WWOX: variants seen among roughly 807,000 people sequenced by gnomAD.
WWOX encodes WW domain-containing oxidoreductase.
A neutral mutation model predicts 46.2 loss-of-function variants in WWOX; 69 were observed. The observed-to-expected ratio is 1.49, with a 90% CI of 1.23 to 1.82. WWOX has a LOEUF of 1.82. WWOX is among the 40% of genes most tolerant of loss of function. The pLI is 0.00. For synonymous variants in WWOX, 359 were observed against 202.6 expected (o/e 1.77, Z -6.56); for missense variants, 919 against 542.6 (o/e 1.69, Z -6.89).
At chr16:78,237,460 T>C (rs1382855334) in intron 5 of WWOX, 1 of 152,170 alleles carries the variant, frequency 6.6e-6, no homozygotes, top group East Asian at 1.9e-4. Context: ...AGTAGTGTCT[T>C]GTTTTAGGAG....
chr16:78,611,734 T>C (rs2045905195), intron 8 of WWOX, among the ~76,000 whole-genome samples: 2 of 152,232 alleles, frequency 1.3e-5, no homozygotes, highest in African/African-American at 4.8e-5. Context: ...TTATGGTGCA[T>C]GTCGCTGATG....
intron 8 of WWOX, among the ~76,000 whole-genome samples, chr16:78,558,849 C>T (rs2044366244): frequency 6.6e-6 from 1 of 152,332 alleles, no homozygotes; most frequent in African/African-American, 2.4e-5. Context: ...GAATCCTAGA[C>T]CCCTTCTCTC....
intron 8 of WWOX, among the ~76,000 whole-genome samples, chr16:78,646,284 G>A (rs534323365): frequency 6.6e-6 from 1 of 152,104 alleles, no homozygotes; most frequent in Non-Finnish European, 1.5e-5. Flanking sequence ...AAAGTGCTGG[G>A]ATTATAGGTG....
chr16:78,927,809 C>T (rs1214648475), intron 8 of WWOX, among the ~76,000 whole-genome samples: 1 of 152,132 alleles, frequency 6.6e-6, no homozygotes, highest in Admixed American at 6.5e-5. Flanking sequence ...AAATGTCTTT[C>T]TTTGGAAGGC....
intron 8 of WWOX, among the ~76,000 whole-genome samples, chr16:78,795,280 A>T (rs1026174653): frequency 1.3e-5 from 2 of 152,176 alleles, no homozygotes; most frequent in African/African-American, 4.8e-5. Flanking sequence ...TACTTTATAT[A>T]ATTTACTCAG....
intron 8 of WWOX, among the ~76,000 whole-genome samples, chr16:78,702,044 T>TATATATATATATATATAAAA (rs1419045896): frequency 9.1e-6 from 1 of 110,032 alleles, no homozygotes; most frequent in African/African-American, 3.8e-5. Context: ...TATATATATA[T>TATATATATATATATATAAAA]AAAATAATGC....
chr16:78,805,822 G>C (rs776958941), intron 8 of WWOX, among the ~76,000 whole-genome samples: 2 of 152,138 alleles, frequency 1.3e-5, no homozygotes, highest in Admixed American at 1.3e-4. Context: ...TCTCCAAACT[G>C]TCAAGGACAG....
At chr16:78,895,009 C>T (rs952876638) in intron 8 of WWOX, among the ~76,000 whole-genome samples, 7 of 152,236 alleles carry the variant, frequency 4.6e-5, no homozygotes, top group South Asian at 2.1e-4. Flanking sequence ...CCCATCATGC[C>T]GCCGGGCACC....
At chr16:78,119,235 C>G (rs998673610) in intron 4 of WWOX, among the ~76,000 whole-genome samples, 2 of 152,108 alleles carry the variant, frequency 1.3e-5, no homozygotes, top group Admixed American at 6.6e-5. Context: ...GTAAAAGCAA[C>G]GGAAATGCCT....
chr16:78,711,063 G>A (rs1235068378), intron 8 of WWOX, among the ~76,000 whole-genome samples: 6 of 152,208 alleles, frequency 3.9e-5, no homozygotes, highest in African/African-American at 1.2e-4. Context: ...ATCTTAGAAA[G>A]TGGAGGGTGT....
chr16:78,341,949 C>T lies in WWOX; in HGVS notation c.517-44911C>T. Among the ~76,000 whole-genome samples the T allele has an allele frequency of 2.0e-5, 2 of 100,638 alleles. 1 individual carries two copies. Among genetic ancestry groups the T allele is most frequent in the Non-Finnish European group, 4.5e-5 (2 of 44,014 alleles). The allele number at this position is 100,638 out of a possible 152,430, so 66.0% of individuals were successfully genotyped here. On this transcript the variant is annotated intron_variant, in intron 5 of 8. Transcript: ENST00000566780. ...TTGGCAACATAGCAAGACCTCATCT[C>T]TACTTGGAAAAAAAAAATTAGCTGG...
At chr16:79,007,739 C>G (rs993366129) in intron 8 of WWOX, among the ~76,000 whole-genome samples, 2 of 152,178 alleles carry the variant, frequency 1.3e-5, no homozygotes, top group African/African-American at 4.8e-5. Flanking sequence ...AGCGGCAAAA[C>G]CAGGATGTGA....
At chr16:78,505,494 C>G (rs1309709417) in intron 8 of WWOX, among the ~76,000 whole-genome samples, 1 of 152,150 alleles carries the variant, frequency 6.6e-6, no homozygotes, top group African/African-American at 2.4e-5. Context: ...TAGATTTGGC[C>G]TGGGCAGCCC....
chr16:78,499,140 C>T (rs1597170506), intron 8 of WWOX, among the ~76,000 whole-genome samples: 1 of 152,078 alleles, frequency 6.6e-6, no homozygotes, highest in African/African-American at 2.4e-5. Flanking sequence ...GTGGGCCCTT[C>T]TCTTTCCTCG....
chr16:78,102,032 C>T (rs372941223), intron 1 of WWOX, among the ~76,000 whole-genome samples: 3 of 152,166 alleles, frequency 2.0e-5, no homozygotes, highest in Admixed American at 6.5e-5. Flanking sequence ...GCGATCCTCC[C>T]GCATCAGCCT....
intron 8 of WWOX, among the ~76,000 whole-genome samples, chr16:78,794,663 G>A (rs1354480276): frequency 6.6e-6 from 1 of 152,222 alleles, no homozygotes; most frequent in Non-Finnish European, 1.5e-5. Context: ...GTAAGTTATA[G>A]CTGTTGCTGT....
intron 8 of WWOX, among the ~76,000 whole-genome samples, chr16:78,749,185 G>A (rs1299366389): frequency 6.6e-6 from 1 of 152,152 alleles, no homozygotes; most frequent in South Asian, 2.1e-4. Flanking sequence ...CTGCCATGGG[G>A]TGACCTGTGT....
intron 6 of WWOX, among the ~76,000 whole-genome samples, chr16:78,389,366 G>A (rs2082129756): frequency 6.6e-6 from 1 of 152,156 alleles, no homozygotes. Flanking sequence ...AGAAGAGAGT[G>A]GTGGCCCTGG....
chr16:78,430,890 C>G (rs1029084746), intron 7 of WWOX, among the ~76,000 whole-genome samples: 5 of 152,128 alleles, frequency 3.3e-5, no homozygotes, highest in Admixed American at 3.3e-4. Flanking sequence ...GGTCTTAGCC[C>G]AACCTGAGCT....
Sources: gnomAD v4.1 joint callset for allele counts (sites outside exome capture counted in the v4.1 genomes callset) on GRCh38, gnomAD v4.1.1 for gene constraint, MANE v1.5 for transcripts, NCBI Gene and HGNC (gene_info 2026-07-23, HGNC 2026-07-21) for gene names.